The following NCKAP5 variants were observed in gnomAD, a reference collection of about 807,000 sequenced individuals.
NCKAP5 encodes NCK associated protein 5, also known as nck-associated protein 5.
Under a neutral mutation model 167.0 loss-of-function variants are expected in NCKAP5, and 92 were observed. The ratio of observed to expected loss-of-function variants is 0.55; its 90% confidence interval spans 0.47 to 0.66. The LOEUF (loss-of-function observed/expected upper bound fraction) is 0.66, where lower values mean the gene tolerates loss of function less well. NCKAP5 is among the 30% of genes least tolerant of loss of function. The probability of loss-of-function intolerance (pLI) is 0.00; values close to 1 mark genes in which losing one functional copy is unlikely to be tolerated. For missense variants in NCKAP5, 2,378 were observed against 2,315.0 expected (o/e 1.03, Z -0.56); for synonymous variants, 891 against 877.4 (o/e 1.02, Z -0.27).
In NCKAP5 at chr2:133,142,346, T is replaced by C. The variant is rs200592486; in HGVS notation, c.208-12235A>G. On this transcript the variant is annotated intron_variant, in intron 5 of 19. Coordinates refer to ENST00000409261, the MANE Select transcript of NCKAP5 (RefSeq NM_207363.3). ...ATACTACTCACAAAAGATAGGCCAG[T>C]GTGGCTACAATTACTACTATTAATA... Among the ~76,000 whole-genome samples, 25 of 152,250 alleles carry C rather than the reference T, an allele frequency of 1.6e-4. No individual in the cohort carries two copies. In the East Asian group the frequency reaches 4.8e-3, roughly 29 times the overall value.
intron 5 of NCKAP5, among the ~76,000 whole-genome samples, chr2:133,195,984 A>T (rs906781944): frequency 2.0e-5 from 3 of 152,288 alleles, no homozygotes; most frequent in African/African-American, 7.2e-5. Context: ...CCCAGCACCC[A>T]CAAGGAAATA....
chr2:133,438,656 T>C (rs1025017610), intron 3 of NCKAP5, among the ~76,000 whole-genome samples: 1 of 152,126 alleles, frequency 6.6e-6, no homozygotes, highest in Admixed American at 6.6e-5. Flanking sequence ...GACACATAGG[T>C]TTGAGAAAAT....
chr2:133,105,342 G>C (rs1035382442), intron 6 of NCKAP5, among the ~76,000 whole-genome samples: 1 of 152,148 alleles, frequency 6.6e-6, no homozygotes, highest in Admixed American at 6.5e-5. Context: ...TGATGGTTTA[G>C]AAAGACAATA....
chr2:133,289,961 C>T (rs1679453689), intron 4 of NCKAP5, among the ~76,000 whole-genome samples: 1 of 152,238 alleles, frequency 6.6e-6, no homozygotes, highest in South Asian at 2.1e-4. Flanking sequence ...CACGCACTAT[C>T]ACGAGAACAG....
chr2:132,780,676 C>A (rs1682953208), intron 15 of NCKAP5, among the ~76,000 whole-genome samples: 1 of 152,162 alleles, frequency 6.6e-6, no homozygotes, highest in South Asian at 2.1e-4. Flanking sequence ...TTTTTAAAAT[C>A]ATGTTCATTC....
chr2:133,407,248 C>A (rs1209120269), intron 3 of NCKAP5, among the ~76,000 whole-genome samples: 1 of 152,206 alleles, frequency 6.6e-6, no homozygotes, highest in Non-Finnish European at 1.5e-5. Flanking sequence ...TTCTTAGGAA[C>A]ACAAAAGTGT....
intron 8 of NCKAP5, among the ~76,000 whole-genome samples, chr2:132,962,546 G>T (rs998328004): frequency 6.6e-6 from 1 of 152,068 alleles, no homozygotes; most frequent in African/African-American, 2.4e-5. Flanking sequence ...AGGTAGAATT[G>T]CAGAAAGCAA....
chr2:132,687,958 C>T (rs1447956863), intron 19 of NCKAP5, among the ~76,000 whole-genome samples: 3 of 152,116 alleles, frequency 2.0e-5, no homozygotes, highest in Non-Finnish European at 2.9e-5. Context: ...ATGTGATTAG[C>T]GATTAGCGCT....
At chr2:132,921,712 C>T (rs182007692) in intron 8 of NCKAP5, among the ~76,000 whole-genome samples, 1 of 152,294 alleles carries the variant, frequency 6.6e-6, no homozygotes, top group East Asian at 1.9e-4. Context: ...AATTACCTAT[C>T]TTTGGGAAAG....
chr2:132,880,464 T>C (rs1325478365), intron 8 of NCKAP5, among the ~76,000 whole-genome samples: 1 of 151,972 alleles, frequency 6.6e-6, no homozygotes, highest in African/African-American at 2.4e-5. Context: ...ACCCCATCTC[T>C]ACTAAAAATA....
intron 3 of NCKAP5, among the ~76,000 whole-genome samples, chr2:133,465,600 G>A (rs1448529094): frequency 2.0e-5 from 3 of 152,136 alleles, no homozygotes; most frequent in Non-Finnish European, 4.4e-5. Context: ...TTCCACAATG[G>A]TTGAACTAGT....
At chr2:132,878,613 TACACACACACACACACACAC>T (rs10544477) in intron 9 of NCKAP5, among the ~76,000 whole-genome samples, 3 of 131,990 alleles carry the variant, frequency 2.3e-5, no homozygotes, top group South Asian at 2.6e-4. Flanking sequence ...GGGGGGCAGA[TACACACACACACACACACAC>T]ACACACACAC....
At chr2:133,203,103 C>A (rs550010250) in intron 5 of NCKAP5, among the ~76,000 whole-genome samples, 2 of 152,222 alleles carry the variant, frequency 1.3e-5, no homozygotes, top group East Asian at 1.9e-4. Context: ...ATGTTTATTG[C>A]AGCACTATTC....
intron 6 of NCKAP5, among the ~76,000 whole-genome samples, chr2:133,009,607 T>C (rs2078084538): frequency 6.6e-6 from 1 of 152,216 alleles, no homozygotes; most frequent in South Asian, 2.1e-4. Flanking sequence ...CTCTATTTGA[T>C]AATCATCTGT....
chr2:132,977,314 T>C (rs953110330), intron 7 of NCKAP5, among the ~76,000 whole-genome samples: 7 of 152,212 alleles, frequency 4.6e-5, no homozygotes, highest in African/African-American at 1.7e-4. Context: ...TTTAAACAAG[T>C]ATTTTGGCAC....
intron 8 of NCKAP5, among the ~76,000 whole-genome samples, chr2:132,932,747 CAT>C (rs1287188221): frequency 7.2e-5 from 11 of 152,136 alleles, no homozygotes; most frequent in African/African-American, 2.4e-4. Context: ...TTAAAGAACA[CAT>C]AGAAAAAAAC....
intron 6 of NCKAP5, among the ~76,000 whole-genome samples, chr2:133,041,586 T>C (rs2079219437): frequency 6.6e-6 from 1 of 152,218 alleles, no homozygotes; most frequent in African/African-American, 2.4e-5. Flanking sequence ...CCAAGGTATA[T>C]GAATTGGAAT....
chr2:132,711,784 T>G (rs1268121288), intron 19 of NCKAP5, among the ~76,000 whole-genome samples: 1 of 152,052 alleles, frequency 6.6e-6, no homozygotes, highest in Non-Finnish European at 1.5e-5. Context: ...AAGGATAGGA[T>G]AAGGGGCACT....
chr2:132,910,236 T>A (rs1003905014), intron 8 of NCKAP5, among the ~76,000 whole-genome samples: 11 of 152,218 alleles, frequency 7.2e-5, no homozygotes, highest in Non-Finnish European at 1.5e-5. Context: ...CCTCAAGCAT[T>A]TATCCTTTGT....
Sources: gnomAD v4.1 joint callset for allele counts (sites outside exome capture counted in the v4.1 genomes callset) on GRCh38, gnomAD v4.1.1 for gene constraint, MANE v1.5 for transcripts, NCBI Gene and HGNC (gene_info 2026-07-23, HGNC 2026-07-21) for gene names.